Variants in LRRTM4 observed in about 807,000 individuals in gnomAD.
The protein encoded by LRRTM4 is leucine-rich repeat transmembrane neuronal protein 4.
In LRRTM4, 25 loss-of-function variants were observed where a neutral mutation model predicts 47.6. The observed-to-expected ratio is 0.53, with a 90% confidence interval of 0.38 to 0.73. The LOEUF is 0.73. LRRTM4 is among the 30% of genes least tolerant of loss of function. The pLI, the probability that LRRTM4 is intolerant of heterozygous loss-of-function variation, is 0.00. For missense variants in LRRTM4, 638 were observed against 713.4 expected, an observed-to-expected ratio of 0.89 and a Z score of 1.20; for synonymous variants, 311 against 269.5, an observed-to-expected ratio of 1.15 and a Z score of -1.51.
chr2:76,884,779 C>T lies in LRRTM4; in HGVS notation c.1552-135863G>A, dbSNP rs906094357. ...CTAACCTAGTTCTTCTACTTCTTAA[C>T]GTCTGTTGTAAAAAAAGTAAACAGT... is the stretch of plus-strand genomic sequence containing the variant. On this transcript the variant is annotated intron_variant, in intron 3 of 3. Coordinates refer to ENST00000409884, the MANE Select transcript of LRRTM4 (RefSeq NM_001134745.3). 5.3e-5 allele frequency among the ~76,000 whole-genome samples: 8 copies of T among 151,352 alleles called. No individual in the cohort carries two copies. In the South Asian group the frequency reaches 8.3e-4, roughly 16 times the overall value.
intron 3 of LRRTM4, among the ~76,000 whole-genome samples, chr2:76,773,650 C>G (rs995937463): frequency 1.3e-5 from 2 of 151,632 alleles, no homozygotes; most frequent in African/African-American, 4.8e-5. Flanking sequence ...TAAAATTCCC[C>G]TTAAATTAAT....
intron 3 of LRRTM4, among the ~76,000 whole-genome samples, chr2:77,308,119 A>G (rs1677343977): frequency 6.9e-6 from 1 of 145,578 alleles, no homozygotes; most frequent in Non-Finnish European, 1.5e-5. Flanking sequence ...TATATTATTT[A>G]TATATAATTT....
chr2:76,864,072 T>A (rs1036532922), intron 3 of LRRTM4, among the ~76,000 whole-genome samples: 1 of 152,186 alleles, frequency 6.6e-6, no homozygotes, highest in African/African-American at 2.4e-5. Context: ...ATTGGGAATA[T>A]TCCATCAAAG....
chr2:77,066,873 G>T (rs1342277553), intron 3 of LRRTM4, among the ~76,000 whole-genome samples: 2 of 152,218 alleles, frequency 1.3e-5, no homozygotes, highest in Admixed American at 6.5e-5. Flanking sequence ...TGTTGTGCAT[G>T]TATGTCCAGT....
chr2:76,805,483 G>C (rs1013391426), intron 3 of LRRTM4, among the ~76,000 whole-genome samples: 3 of 152,132 alleles, frequency 2.0e-5, no homozygotes, highest in African/African-American at 4.8e-5. Flanking sequence ...ATTTGCTGTA[G>C]TGACAAAGAG....
chr2:77,429,254 T>C (rs1675254258), intron 3 of LRRTM4, among the ~76,000 whole-genome samples: 1 of 152,190 alleles, frequency 6.6e-6, no homozygotes, highest in Non-Finnish European at 1.5e-5. Flanking sequence ...TTATAAGATA[T>C]AATGATCTTA....
chr2:77,041,854 T>G (rs879607201), intron 3 of LRRTM4, among the ~76,000 whole-genome samples: 2 of 150,214 alleles, frequency 1.3e-5, no homozygotes, highest in Admixed American at 6.6e-5. Context: ...ACTTTTGCAC[T>G]GACCTAATAT....
At chr2:76,792,948 G>A (rs1447225730) in intron 3 of LRRTM4, among the ~76,000 whole-genome samples, 1 of 152,150 alleles carries the variant, frequency 6.6e-6, no homozygotes, top group Admixed American at 6.5e-5. Context: ...GGGGTGGAGG[G>A]TGAATCCTGT....
intron 3 of LRRTM4, among the ~76,000 whole-genome samples, chr2:77,446,625 G>A (rs1246691048): frequency 3.3e-5 from 5 of 151,886 alleles, no homozygotes; most frequent in African/African-American, 1.2e-4. Flanking sequence ...CTTTAAGATC[G>A]AACATCAGCC....
rs534060818 is a variant in LRRTM4, at chr2:77,276,551, C to A, written c.1551+241767G>T. On this transcript the variant is annotated intron_variant, in intron 3 of 3. Coordinates refer to ENST00000409884, the MANE Select transcript of LRRTM4 (RefSeq NM_001134745.3). ...AGATATAGGCTTTGATTTCCTCCAA[C>A]TCCAATGCATTTATTATCGTCTTGC... Among the ~76,000 whole-genome samples the A allele has an allele frequency of 4.0e-5, 6 of 150,386 alleles. No individual in the cohort carries two copies. In the South Asian group the frequency reaches 1.0e-3, roughly 26 times the overall value.
chr2:77,379,591 C>T (rs1236659587), intron 3 of LRRTM4, among the ~76,000 whole-genome samples: 2 of 151,992 alleles, frequency 1.3e-5, no homozygotes, highest in African/African-American at 4.8e-5. Flanking sequence ...ACATGACTAT[C>T]GATATCTTTG....
intron 3 of LRRTM4, among the ~76,000 whole-genome samples, chr2:76,824,420 T>C (rs1198215453): frequency 6.6e-6 from 1 of 151,604 alleles, no homozygotes; most frequent in African/African-American, 2.4e-5. Flanking sequence ...TGTTTTCATG[T>C]TCAACCAATG....
intron 3 of LRRTM4, among the ~76,000 whole-genome samples, chr2:77,161,117 C>T (rs1178940756): frequency 6.6e-6 from 1 of 152,186 alleles, no homozygotes; most frequent in East Asian, 1.9e-4. Context: ...GACTTTTCTG[C>T]TAAGCTATAG....
At chr2:77,328,215 A>C (rs952102300) in intron 3 of LRRTM4, among the ~76,000 whole-genome samples, 3 of 152,216 alleles carry the variant, frequency 2.0e-5, no homozygotes, top group African/African-American at 7.2e-5. Flanking sequence ...TTAAATTTAA[A>C]GTCCAAGTGA....
intron 3 of LRRTM4, among the ~76,000 whole-genome samples, chr2:76,805,463 C>T (rs192361041): frequency 1.3e-5 from 2 of 152,006 alleles, no homozygotes; most frequent in African/African-American, 4.8e-5. Context: ...TATATTTAAA[C>T]ATATTGAAGA....
chr2:77,230,793 A>T (rs1674940523), intron 3 of LRRTM4, among the ~76,000 whole-genome samples: 1 of 152,210 alleles, frequency 6.6e-6, no homozygotes, highest in African/African-American at 2.4e-5. Context: ...AGCCAAAGAG[A>T]CAGAACTTAT....
intron 3 of LRRTM4, among the ~76,000 whole-genome samples, chr2:76,794,591 G>C (rs1265483403): frequency 6.6e-6 from 1 of 152,036 alleles, no homozygotes; most frequent in East Asian, 1.9e-4. Flanking sequence ...TTACTAACCA[G>C]GCACCTATAC....
chr2:77,520,657 T>C (rs186268117), intron 2 of LRRTM4, among the ~76,000 whole-genome samples: 18 of 152,240 alleles, frequency 1.2e-4, no homozygotes, highest in African/African-American at 3.8e-4. Flanking sequence ...AGTATCACTT[T>C]GCCATTATTT....
At chr2:77,411,546 G>C (rs1262007993) in intron 3 of LRRTM4, among the ~76,000 whole-genome samples, 1 of 143,066 alleles carries the variant, frequency 7.0e-6, no homozygotes, top group African/African-American at 2.6e-5. Context: ...TCCGCCTCCC[G>C]GGTTCACGCC....
Sources: gnomAD v4.1 joint callset for allele counts (sites outside exome capture counted in the v4.1 genomes callset) on GRCh38, gnomAD v4.1.1 for gene constraint, MANE v1.5 for transcripts, NCBI Gene and HGNC (gene_info 2026-07-23, HGNC 2026-07-21) for gene names.